ZNF800: variants seen among roughly 807,000 people sequenced by gnomAD.
ZNF800 encodes zinc finger protein 800.
A neutral mutation model predicts 59.5 loss-of-function variants in ZNF800; 13 were observed. That is an observed-to-expected ratio of 0.22 (90% CI 0.14 to 0.35). ZNF800 has a LOEUF of 0.35. Among genes scored for constraint, ZNF800 ranks in the 10% least tolerant of loss-of-function variants. The probability of loss-of-function intolerance (pLI) is 1.00; values close to 1 mark genes in which losing one functional copy is unlikely to be tolerated. For missense variants in ZNF800, 621 were observed against 783.7 expected (o/e 0.79, Z 2.48); for synonymous variants, 266 against 265.7 (o/e 1.00, Z -0.01).
At chr7:127,383,290 TA>T (rs1801026275) in intron 3 of ZNF800, among the ~76,000 whole-genome samples, 1 of 152,232 alleles carries the variant, frequency 6.6e-6, no homozygotes, top group Non-Finnish European at 1.5e-5. Context: ...CAGTTGAAGA[TA>T]ACTATCTGAG....
Position 127,371,189 on chromosome 7 carries a change from G to T in ZNF800, c.*625C>A, listed in dbSNP as rs1270668640. 1 of 152,556 alleles carries T rather than the reference G, an allele frequency of 6.6e-6. No homozygotes were observed. The highest frequency in any genetic ancestry group is 1.5e-5 in the Non-Finnish European group (1 of 68,010). The allele number at this position is 152,556 out of a possible 1,614,324, so 9.5% of individuals were successfully genotyped here. On this transcript the variant is annotated 3_prime_UTR_variant, in exon 6 of 6. Transcript: ENST00000265827. ...AATGATCCATGCATGAAAATGAACT[G>T]CAGCTTTCCTGTAGTATATATTTTA...
chr7:127,383,034 A>G (rs541807950), intron 3 of ZNF800, among the ~76,000 whole-genome samples: 2 of 152,372 alleles, frequency 1.3e-5, no homozygotes, highest in African/African-American at 4.8e-5. Context: ...CCAGAAGTCA[A>G]TAAGAATTTG....
chr7:127,350,089 C>G (rs1349365710), intron 1 of ZNF800: 1 of 152,162 alleles, frequency 6.6e-6, no homozygotes, highest in African/African-American at 2.4e-5. Context: ...GCTTCGCATC[C>G]CATATTCTTC....
chr7:127,360,193 T>C (rs983566851), intron 1 of ZNF800: 9 of 152,126 alleles, frequency 5.9e-5, no homozygotes, highest in African/African-American at 2.2e-4. Context: ...ACAAAATATA[T>C]AGGAGCTTGG....
chr7:127,380,362 T>A lies in ZNF800; in HGVS notation c.158-3033A>T, dbSNP rs1046570587. 2.6e-5 allele frequency among the ~76,000 whole-genome samples: 4 copies of A among 152,318 alleles called. No individual in the cohort carries two copies. In the South Asian group the frequency reaches 8.3e-4, roughly 32 times the overall value. ...CTCTATGTATTAAAAAAACCTTCTC[T>A]AAAAATTAGATTTTTTAAATCTATG... On this transcript the variant is annotated intron_variant, in intron 3 of 5. Coordinates refer to ENST00000265827, the MANE Select transcript of ZNF800 (RefSeq NM_176814.5).
In ZNF800 at chr7:127,392,531, T is replaced by TG. The variant is rs952893109; in HGVS notation, c.-531dup. On this transcript the variant is annotated 5_prime_UTR_variant, in exon 1 of 6. Transcript: ENST00000265827. ...GCTTTAGGAGAGGGGCGGAGAAAAA[T>TG]GGGGGTCTCCCCCAACCTTGGGCCT... The TG allele has an allele frequency of 2.9e-5, 9 of 306,246 alleles. No homozygotes were observed. Among genetic ancestry groups the TG allele is most frequent in the East Asian group, 5.2e-5 (1 of 19,112 alleles). The allele number at this position is 306,246 out of a possible 1,614,324, so 19.0% of individuals were successfully genotyped here.
rs1293133040 is a variant in ZNF800 at position 127,374,162 on chromosome 7, T to C, written c.1174A>G (p.Lys392Glu). ...HKITLSGTNS[K>E]REKGPNNTAN... The stretch of plus-strand genomic sequence containing the variant: ...GTATTATTAGGGCCTTTTTCTCTTT[T>C]AGAGTTTGTTCCAGAAAGAGTTATC... The change falls in exon 5 of 6, where the codon AAA (lysine) becomes GAA (glutamate). Residue 392 changes from lysine to glutamate, a missense_variant. Around this residue, in one of 7 missense-constraint regions of ZNF800, gnomAD observed 185 missense variants for 177.6 expected, o/e 1.04. Coordinates refer to ENST00000265827, the MANE Select transcript of ZNF800 (RefSeq NM_176814.5). 1 of 1,613,586 alleles carries C rather than the reference T, an allele frequency of 6.2e-7. No homozygotes were observed. Among genetic ancestry groups the C allele is most frequent in the East Asian group, 2.2e-5 (1 of 44,878 alleles).
intron 1 of ZNF800, among the ~76,000 whole-genome samples, chr7:127,354,105 A>C (rs1800223994): frequency 6.6e-6 from 1 of 152,172 alleles, no homozygotes; most frequent in African/African-American, 2.4e-5. Flanking sequence ...TTTTTACACA[A>C]GTCTGAAGGT....
intron 5 of ZNF800, chr7:127,372,497 A>AG (rs1800660071): frequency 4.8e-6 from 3 of 620,688 alleles, no homozygotes; most frequent in Non-Finnish European, 6.0e-6. Context: ...AAAAAAAAAA[A>AG]AGTAGTATTT....
intron 1 of ZNF800, chr7:127,363,821 T>C (rs2117059386): frequency 6.6e-6 from 1 of 152,062 alleles, no homozygotes. Flanking sequence ...CTGGAAAGAA[T>C]AATCTATTCT....
In ZNF800 at chr7:127,374,612, T is replaced by C. The variant is rs772458975; in HGVS notation, c.724A>G (p.Arg242Gly). ...CGAATGTGACGGCGAACACCTCGTC[T>C]AGAATTGAATTCTTTTCTACAAAGA... ...CCLCRKEFNS[R>G]RGVRRHIRKV... Residue 242 changes from arginine (R) to glycine (G), a missense_variant, in exon 5 of 6, where the codon AGA (arginine) becomes GGA (glycine). Arg to Gly is a moderately radical substitution (Grantham distance 125, BLOSUM62 -2). Around this residue, in one of 7 missense-constraint regions of ZNF800, gnomAD observed 218 missense variants for 230.8 expected, o/e 0.94. Transcript: ENST00000265827. 1.2e-5 allele frequency: 20 copies of C among 1,614,038 alleles called. No individual in the cohort carries two copies. In the East Asian group the frequency reaches 4.5e-4, roughly 36 times the overall value.
rs1384083424 is a variant in ZNF800, at chr7:127,374,198, T to C, written c.1138A>G (p.Ile380Val). 1 of 1,614,122 alleles carries C rather than the reference T, an allele frequency of 6.2e-7. No individual in the cohort carries two copies. Among genetic ancestry groups the C allele is most frequent in the Non-Finnish European group, 8.5e-7 (1 of 1,179,996 alleles). The change falls in exon 5 of 6, where the codon ATT becomes GTT. Residue 380 changes from isoleucine to valine, a missense_variant. Physicochemically the swap from Ile to Val is conservative, Grantham distance 29. Around this residue, in one of 7 missense-constraint regions of ZNF800, gnomAD observed 185 missense variants for 177.6 expected, o/e 1.04. Coordinates refer to ENST00000265827, the MANE Select transcript of ZNF800 (RefSeq NM_176814.5). ...SQIMLKRHMQ[I>V]VHKITLSGTN... The stretch of plus-strand genomic sequence containing the variant: ...CCAGAAAGAGTTATCTTGTGGACAA[T>C]TTGCATATGTCTTTTAAGCATTATT...
In ZNF800 at chr7:127,392,070, G is replaced by A. The variant is rs900138872; in HGVS notation, c.-69C>T. Reference sequence around the variant, plus strand: ...GTGCGCCCAACTTACTCAACTCTTAGGGCGGGCCGGCGGGCGGGCGGAAGG... The same window carrying A: ...GTGCGCCCAACTTACTCAACTCTTAAGGCGGGCCGGCGGGCGGGCGGAAGG... On this transcript the variant is annotated 5_prime_UTR_variant, in exon 1 of 6. Transcript: ENST00000265827. The A allele has an allele frequency of 7.7e-6, 3 of 390,780 alleles. No homozygotes were observed. Among genetic ancestry groups the A allele is most frequent in the African/African-American group, 4.2e-5 (2 of 48,084 alleles). 24.2% of individuals were successfully genotyped at this position (390,780 alleles called of 1,614,324 possible). A position where few individuals can be genotyped will look rare whatever the true frequency, so the allele number is the denominator to read the frequency against.
chr7:127,384,456 G>C (rs1024818222), intron 3 of ZNF800, among the ~76,000 whole-genome samples: 1 of 151,354 alleles, frequency 6.6e-6, no homozygotes, highest in Admixed American at 6.6e-5. Context: ...GGATGGTCTC[G>C]ATCTCCTGAC....
intron 4 of ZNF800, among the ~76,000 whole-genome samples, chr7:127,375,405 A>C (rs6467123): frequency 6.6e-6 from 1 of 151,786 alleles, no homozygotes; most frequent in Non-Finnish European, 1.5e-5. Context: ...CTCGTAACTC[A>C]ATTGATAAAA....
intron 1 of ZNF800, chr7:127,359,687 G>A (rs1800354637): frequency 6.6e-6 from 1 of 152,020 alleles, no homozygotes; most frequent in Non-Finnish European, 1.5e-5. Context: ...TTTGACCTCA[G>A]AGGACCATAG....
intron 4 of ZNF800, 45 bp from the exon 5 acceptor site, chr7:127,375,079 C>T (rs1800754962): frequency 7.0e-7 from 1 of 1,434,038 alleles, no homozygotes; most frequent in Non-Finnish European, 9.3e-7. Context: ...AATTAGCCTG[C>T]TGTAGCCCTC....
intron 5 of ZNF800, among the ~76,000 whole-genome samples, 167 bp from the exon 6 acceptor site, chr7:127,371,981 C>T (rs546561544): frequency 9.2e-5 from 14 of 152,264 alleles, no homozygotes; most frequent in Admixed American, 2.6e-4. Flanking sequence ...CCTCACAGCA[C>T]TCAAACTAAT....
At chr7:127,352,611 T>C (rs1283483183) in intron 1 of ZNF800, among the ~76,000 whole-genome samples, 1 of 152,182 alleles carries the variant, frequency 6.6e-6, no homozygotes. Flanking sequence ...TTCATGTAGA[T>C]TTGCCTATTG....
Sources: gnomAD v4.1 joint callset for allele counts (sites outside exome capture counted in the v4.1 genomes callset) on GRCh38, gnomAD v4.1.1 for gene constraint, gnomAD v4.1.1 regional missense constraint, MANE v1.5 for transcripts, NCBI Gene and HGNC (gene_info 2026-07-23, HGNC 2026-07-21) for gene names.